KCNH1: variants seen among roughly 807,000 people sequenced by gnomAD.
The protein encoded by KCNH1 is voltage-gated delayed rectifier potassium channel KCNH1.
A neutral mutation model predicts 69.2 loss-of-function variants in KCNH1; 27 were observed. The ratio of observed to expected loss-of-function variants is 0.39; its 90% CI spans 0.29 to 0.54. KCNH1 has a LOEUF of 0.54. KCNH1 is among the 20% of genes least tolerant of loss of function. The pLI is 0.68. For synonymous variants in KCNH1, 456 were observed against 487.7 expected, an observed-to-expected ratio of 0.93 and a Z score of 0.86; for missense variants, 798 against 1,261.6, an observed-to-expected ratio of 0.63 and a Z score of 5.57.
intron 10 of KCNH1, among the ~76,000 whole-genome samples, chr1:210,732,063 GGGAGGGAGCCCA>G (rs1682760574): frequency 6.6e-6 from 1 of 152,010 alleles, no homozygotes; most frequent in South Asian, 2.1e-4. Flanking sequence ...TTCATCCGAT[GGGAGGGAGCCCA>G]GGCCAGCTGT....
chr1:210,749,796 A>G (rs1683242161), intron 10 of KCNH1, among the ~76,000 whole-genome samples: 1 of 145,406 alleles, frequency 6.9e-6, no homozygotes, highest in Non-Finnish European at 1.5e-5. Context: ...AGCCTAGAGT[A>G]CAATGGCGTG....
chr1:211,089,115 T>A (rs757807080), intron 4 of KCNH1, among the ~76,000 whole-genome samples: 1 of 151,980 alleles, frequency 6.6e-6, no homozygotes, highest in African/African-American at 2.4e-5. Flanking sequence ...CCAAATCACA[T>A]AACTTAAGTT....
chr1:210,964,287 G>A (rs1688354433), intron 6 of KCNH1, among the ~76,000 whole-genome samples: 1 of 152,176 alleles, frequency 6.6e-6, no homozygotes, highest in Non-Finnish European at 1.5e-5. Flanking sequence ...CCTGAAGGAA[G>A]CACTAAACAT....
At chr1:211,028,622 C>A (rs771441609) in intron 5 of KCNH1, among the ~76,000 whole-genome samples, 2 of 151,276 alleles carry the variant, frequency 1.3e-5, no homozygotes, top group Non-Finnish European at 2.9e-5. Context: ...CACTATAAAC[C>A]CTGGAGACAT....
chr1:210,806,231 TTG>T (rs1227735461), intron 7 of KCNH1, among the ~76,000 whole-genome samples: 1 of 152,208 alleles, frequency 6.6e-6, no homozygotes, highest in Non-Finnish European at 1.5e-5. Flanking sequence ...ACAATTGTTA[TTG>T]TGTCTTTTTC....
rs1691248976 is a variant in KCNH1 at position 211,101,095 on chromosome 1, T to G, written c.310+2401A>C. Among the ~76,000 whole-genome samples, 3 of 152,320 alleles carry G rather than the reference T, an allele frequency of 2.0e-5. No homozygotes were observed. The South Asian group carries it at 6.2e-4, about 32-fold the overall frequency. Reference sequence around the variant, plus strand: ...ATGGCACTTATGCCTGTTAGGAAGATTTCCTTCCCTGACCCCCTAGGTTGG... The same window carrying G: ...ATGGCACTTATGCCTGTTAGGAAGAGTTCCTTCCCTGACCCCCTAGGTTGG... On this transcript the variant is annotated intron_variant, in intron 3 of 10. Transcript: ENST00000271751.
intron 7 of KCNH1, among the ~76,000 whole-genome samples, chr1:210,838,111 A>G (rs1685325811): frequency 6.6e-6 from 1 of 152,190 alleles, no homozygotes; most frequent in African/African-American, 2.4e-5. Flanking sequence ...GGCTACAGTA[A>G]CCAAAACAGC....
chr1:211,010,073 C>A (rs541044815), intron 6 of KCNH1, among the ~76,000 whole-genome samples: 2 of 152,272 alleles, frequency 1.3e-5, no homozygotes, highest in South Asian at 4.1e-4. Context: ...TCCACGTGAG[C>A]TGAAGTCAAT....
In KCNH1 at chr1:211,059,008, C is replaced by T. The variant is rs1832430; in HGVS notation, c.558+23772G>A. Among the ~76,000 whole-genome samples, 649 of 152,096 alleles carry T rather than the reference C, an allele frequency of 4.3e-3. 5 individuals carry two copies. Among genetic ancestry groups the T allele is most frequent in the Non-Finnish European group, 3.9e-3 (266 of 67,968 alleles). On this transcript the variant is annotated intron_variant, in intron 5 of 10. Coordinates refer to ENST00000271751, the MANE Select transcript of KCNH1 (RefSeq NM_172362.3). The stretch of plus-strand genomic sequence containing the variant: ...AAAAAGAGAAAAAGTCAGCCAGGTG[C>T]GGTGGCTCACGCCTGTAATCCCAGC...
chr1:211,125,577 G>A (rs12063554), intron 1 of KCNH1, among the ~76,000 whole-genome samples: 5,142 of 152,196 alleles, frequency 0.034, 260 homozygotes, highest in African/African-American at 0.12. Flanking sequence ...ACAAATCAAA[G>A]TTAAGCCATA....
At chr1:210,875,366 G>A (rs1017351352) in intron 7 of KCNH1, among the ~76,000 whole-genome samples, 1 of 152,154 alleles carries the variant, frequency 6.6e-6, no homozygotes, top group Non-Finnish European at 1.5e-5. Context: ...GAGTCATAAT[G>A]ATTAGAAAAT....
In KCNH1 at chr1:210,993,290, G is replaced by A. The variant is rs989567570; in HGVS notation, c.1032+25493C>T. Among the ~76,000 whole-genome samples the A allele has an allele frequency of 3.9e-5, 6 of 152,144 alleles. No individual in the cohort carries two copies. In the South Asian group the frequency reaches 1.2e-3, roughly 32 times the overall value. On this transcript the variant is annotated intron_variant, in intron 6 of 10. Transcript: ENST00000271751. Reference sequence around the variant, plus strand: ...CTGACCATCTCATATCACCCACTAAGGAGTTTCTCATTCTACCGAAAAGGA... The same window carrying A: ...CTGACCATCTCATATCACCCACTAAAGAGTTTCTCATTCTACCGAAAAGGA...
chr1:211,049,281 T>C (rs549608221), intron 5 of KCNH1, among the ~76,000 whole-genome samples: 1 of 152,238 alleles, frequency 6.6e-6, no homozygotes, highest in Admixed American at 6.5e-5. Flanking sequence ...CAAATTGACT[T>C]AGGTGGTCAG....
rs966520750 is a variant in KCNH1 at position 210,712,859 on chromosome 1, G to C, written c.2113-28721C>G. Among the ~76,000 whole-genome samples, 5 of 152,236 alleles carry C rather than the reference G, an allele frequency of 3.3e-5. No individual in the cohort carries two copies. The East Asian group carries it at 9.7e-4, about 29-fold the overall frequency. ...TGGAATTTTAGTCTATCAGCTCCAGGTCCAGTGCCAAGGCCTTGAAGAAGT... is the reference window on the plus strand; with the variant it reads ...TGGAATTTTAGTCTATCAGCTCCAGCTCCAGTGCCAAGGCCTTGAAGAAGT... On this transcript the variant is annotated intron_variant, in intron 10 of 10. Coordinates refer to ENST00000271751, the MANE Select transcript of KCNH1 (RefSeq NM_172362.3).
Position 211,103,711 on chromosome 1 carries a change from C to T in KCNH1, c.204-109G>A, listed in dbSNP as rs184417633. The stretch of plus-strand genomic sequence containing the variant: ...GCACTGTGCTATGTACTGTGGAACA[C>T]ACACACACACAATGAAAACAATCAC... On this transcript the variant is annotated intron_variant, in intron 2 of 10. Coordinates refer to ENST00000271751, the MANE Select transcript of KCNH1 (RefSeq NM_172362.3). 1,269 of 617,168 alleles carry T rather than the reference C, an allele frequency of 2.1e-3. 17 individuals carry two copies. In the African/African-American group the frequency reaches 0.021, roughly 10 times the overall value. The allele number at this position is 617,168 out of a possible 1,614,324, so 38.2% of individuals were successfully genotyped here. A position where few individuals can be genotyped will look rare whatever the true frequency, so the allele number is the denominator to read the frequency against.
chr1:211,025,078 C>T (rs1689661349), intron 5 of KCNH1, among the ~76,000 whole-genome samples: 1 of 152,136 alleles, frequency 6.6e-6, no homozygotes. Flanking sequence ...AGGCTGGCTC[C>T]AAGAGAGAAT....
At chr1:211,084,660 TG>T (rs2102468583) in intron 4 of KCNH1, among the ~76,000 whole-genome samples, 1 of 152,232 alleles carries the variant, frequency 6.6e-6, no homozygotes, top group South Asian at 2.1e-4. Context: ...GAAAAGGAAA[TG>T]GATGAACAGT....
chr1:211,118,488 T>C (rs777597515), intron 1 of KCNH1, among the ~76,000 whole-genome samples: 2 of 152,248 alleles, frequency 1.3e-5, no homozygotes, highest in African/African-American at 2.4e-5. Flanking sequence ...CGCCTTCTGA[T>C]GCTTTTTTAC....
At chr1:210,887,460 T>C (rs1438718987) in intron 7 of KCNH1, among the ~76,000 whole-genome samples, 1 of 152,126 alleles carries the variant, frequency 6.6e-6, no homozygotes, top group East Asian at 1.9e-4. Context: ...GTAAGGACCA[T>C]AGATACTATG....
Sources: allele counts gnomAD v4.1 joint callset (sites outside exome capture counted in the v4.1 genomes callset), GRCh38; gene constraint gnomAD v4.1.1; transcripts MANE v1.5; gene names NCBI Gene and HGNC (gene_info 2026-07-23, HGNC 2026-07-21).